Variants in ESRRG observed in about 807,000 individuals in gnomAD.
ESRRG encodes estrogen-related receptor gamma.
In ESRRG, 13 loss-of-function variants were observed where a neutral mutation model predicts 44.0. That is an observed-to-expected ratio of 0.30 (90% CI 0.19 to 0.47). The LOEUF is 0.47. ESRRG is among the 20% of genes least tolerant of loss of function. ESRRG has a pLI of 1.00. For synonymous variants in ESRRG, 215 were observed against 214.6 expected, an observed-to-expected ratio of 1.00 and a Z score of -0.02; for missense variants, 395 against 580.6, an observed-to-expected ratio of 0.68 and a Z score of 3.29.
At chr1:216,754,743 G>C (rs371680490) in intron 2 of ESRRG, among the ~76,000 whole-genome samples, 5 of 146,008 alleles carry the variant, frequency 3.4e-5, no homozygotes, top group Non-Finnish European at 7.5e-5. Context: ...ATCTAGTTGC[G>C]TGTTGCGTAA....
At chr1:216,711,308 G>A (rs1343836064) in intron 1 of ESRRG, among the ~76,000 whole-genome samples, 1 of 152,042 alleles carries the variant, frequency 6.6e-6, no homozygotes, top group Non-Finnish European at 1.5e-5. Flanking sequence ...AAGCATCCTC[G>A]GCTCCACTGC....
At chr1:216,584,166 A>G (rs1387471459) in intron 3 of ESRRG, among the ~76,000 whole-genome samples, 1 of 152,130 alleles carries the variant, frequency 6.6e-6, no homozygotes, top group Admixed American at 6.5e-5. Context: ...GTATATACAT[A>G]TAGGGCTTAT....
At chr1:217,073,205 A>G (rs1241655221) in intron 1 of ESRRG, among the ~76,000 whole-genome samples, 1 of 65,132 alleles carries the variant, frequency 1.5e-5, no homozygotes, top group African/African-American at 6.3e-5. Context: ...GACAAAAAAA[A>G]AAAAAAAAAA....
intron 4 of ESRRG, among the ~76,000 whole-genome samples, chr1:216,565,569 A>G (rs2059543609): frequency 6.6e-6 from 1 of 152,164 alleles, no homozygotes; most frequent in South Asian, 2.1e-4. Context: ...ATCTCCTTTT[A>G]TGAAAGAATG....
At chr1:217,102,034 G>T (rs2092521953) in intron 1 of ESRRG, among the ~76,000 whole-genome samples, 1 of 152,134 alleles carries the variant, frequency 6.6e-6, no homozygotes, top group Non-Finnish European at 1.5e-5. Flanking sequence ...TCGAATTCCC[G>T]ACCTCAGGTG....
At chr1:216,515,245 G>A (rs924331382) in intron 6 of ESRRG, among the ~76,000 whole-genome samples, 2 of 151,802 alleles carry the variant, frequency 1.3e-5, no homozygotes, top group African/African-American at 4.8e-5. Context: ...ATATATATAT[G>A]CATGGATGTG....
intron 2 of ESRRG, among the ~76,000 whole-genome samples, chr1:216,914,347 A>T (rs923767643): frequency 1.3e-5 from 2 of 152,140 alleles, no homozygotes; most frequent in Non-Finnish European, 2.9e-5. Flanking sequence ...CATATTTAAC[A>T]TTGATTGTTA....
intron 2 of ESRRG, among the ~76,000 whole-genome samples, chr1:216,794,564 T>C (rs1319239402): frequency 1.3e-5 from 2 of 152,206 alleles, no homozygotes; most frequent in Non-Finnish European, 2.9e-5. Flanking sequence ...TTTGGAAACC[T>C]CTTAGGAGAT....
chr1:217,131,189 T>G (rs997132936), intron 1 of ESRRG, among the ~76,000 whole-genome samples: 1 of 152,206 alleles, frequency 6.6e-6, no homozygotes, highest in Non-Finnish European at 1.5e-5. Context: ...TTCCTGAAGC[T>G]ATGTTAAATA....
chr1:216,913,024 A>T (rs2060657755), intron 2 of ESRRG, among the ~76,000 whole-genome samples: 1 of 151,070 alleles, frequency 6.6e-6, no homozygotes, highest in African/African-American at 2.4e-5. Context: ...TCATGAGGCT[A>T]AGACAGGAAA....
intron 2 of ESRRG, among the ~76,000 whole-genome samples, chr1:216,811,483 A>C (rs537281267): frequency 1.3e-5 from 2 of 152,310 alleles, no homozygotes; most frequent in East Asian, 3.9e-4. Context: ...TTATGTAAGT[A>C]CGCGCACTTG....
At chr1:216,937,785 C>A (rs572496957) in intron 2 of ESRRG, among the ~76,000 whole-genome samples, 2 of 152,150 alleles carry the variant, frequency 1.3e-5, no homozygotes, top group South Asian at 4.1e-4. Flanking sequence ...CCTGCCCAGT[C>A]TGAGTTTAAA....
intron 2 of ESRRG, among the ~76,000 whole-genome samples, chr1:216,676,477 G>T (rs2076129940): frequency 6.6e-6 from 1 of 152,000 alleles, no homozygotes; most frequent in African/African-American, 2.4e-5. Flanking sequence ...AGATGAGTAG[G>T]TAATTAAATT....
chr1:216,603,945 CAAAA>C (rs144012100), intron 3 of ESRRG, among the ~76,000 whole-genome samples: 59 of 127,350 alleles, frequency 4.6e-4, no homozygotes, highest in African/African-American at 1.4e-3. Flanking sequence ...AACAAAAAAA[CAAAA>C]AAAAAAAAAA....
At chr1:216,874,984 G>T (rs1307941531) in intron 2 of ESRRG, among the ~76,000 whole-genome samples, 1 of 152,184 alleles carries the variant, frequency 6.6e-6, no homozygotes, top group Non-Finnish European at 1.5e-5. Flanking sequence ...ACCACAGAAT[G>T]AAGGCTGCAC....
rs376515608 is a variant in ESRRG at position 217,094,866 on chromosome 1, C to T, written c.-230+42801G>A. ...GCAGCCAATCACATCTCACCAAAGA[C>T]CAAATTCATTCAAACATTTATTTAA... On this transcript the variant is annotated intron_variant, in intron 1 of 8. Coordinates refer to the ESRRG transcript ENST00000366940. 1.8e-4 allele frequency among the ~76,000 whole-genome samples: 27 copies of T among 152,314 alleles called. No homozygotes were observed. In the South Asian group the frequency reaches 5.4e-3, roughly 30 times the overall value.
intron 2 of ESRRG, among the ~76,000 whole-genome samples, chr1:216,861,861 A>G (rs1371912005): frequency 6.6e-6 from 1 of 152,142 alleles, no homozygotes; most frequent in Non-Finnish European, 1.5e-5. Flanking sequence ...AAAACAAAAA[A>G]CCTAATACAA....
chr1:216,639,005 G>C (rs181809769), intron 3 of ESRRG, among the ~76,000 whole-genome samples: 1 of 152,216 alleles, frequency 6.6e-6, no homozygotes, highest in East Asian at 1.9e-4. Context: ...AATAACCTAA[G>C]ACTGGCTAAG....
intron 1 of ESRRG, among the ~76,000 whole-genome samples, chr1:217,012,884 T>C (rs2078835036): frequency 6.6e-6 from 1 of 152,184 alleles, no homozygotes; most frequent in South Asian, 2.1e-4. Context: ...ATATATTATC[T>C]CAGCTCTACA....
Sources: allele counts gnomAD v4.1 joint callset (sites outside exome capture counted in the v4.1 genomes callset), GRCh38; gene constraint gnomAD v4.1.1; transcripts MANE v1.5; gene names NCBI Gene and HGNC (gene_info 2026-07-23, HGNC 2026-07-21).